The following IQGAP2 variants were observed in gnomAD, a reference collection of about 807,000 sequenced individuals.
IQGAP2 encodes ras GTPase-activating-like protein IQGAP2.
IQGAP2 carries 173 observed loss-of-function variants against 201.3 expected under a neutral mutation model. That is an observed-to-expected ratio of 0.86 (90% CI 0.76 to 0.98). IQGAP2 has a LOEUF of 0.98. IQGAP2 is among the 50% of genes least tolerant of loss of function. IQGAP2 has a pLI of 0.00. For synonymous variants in IQGAP2, 675 were observed against 673.9 expected, an observed-to-expected ratio of 1.00 and a Z score of -0.03; for missense variants, 1,687 against 1,864.8, an observed-to-expected ratio of 0.90 and a Z score of 1.76.
At chr5:76,440,829 T>G (rs1019230693) in intron 1 of IQGAP2, among the ~76,000 whole-genome samples, 2 of 152,014 alleles carry the variant, frequency 1.3e-5, no homozygotes, top group African/African-American at 4.8e-5. Context: ...GTCAGGAGTT[T>G]GAGACCAGCC....
chr5:76,471,305 T>C (rs1129691), intron 2 of IQGAP2, among the ~76,000 whole-genome samples: 75,962 of 141,814 alleles, frequency 0.54, 19,991 homozygotes, highest in Middle Eastern at 0.6. Flanking sequence ...AAAGAGAAAA[T>C]GCACAGAAAA....
At chr5:76,563,297 G>A (rs6869692) in intron 3 of IQGAP2, among the ~76,000 whole-genome samples, 88,563 of 152,036 alleles carry the variant, frequency 0.58, 27,308 homozygotes, top group African/African-American at 0.78. Context: ...AATTTAGAAG[G>A]AGGAGGGAGA....
chr5:76,569,320 T>C (rs1744952067), intron 3 of IQGAP2, among the ~76,000 whole-genome samples: 1 of 152,154 alleles, frequency 6.6e-6, no homozygotes, highest in African/African-American at 2.4e-5. Flanking sequence ...AAAATAGAAA[T>C]TTATTCCATT....
intron 33 of IQGAP2, among the ~76,000 whole-genome samples, chr5:76,698,618 GCTGT>G (rs1746975491): frequency 6.6e-6 from 1 of 152,256 alleles, no homozygotes; most frequent in South Asian, 2.1e-4. Context: ...AAATTTGGCA[GCTGT>G]CTATTATCCA....
chr5:76,531,277 G>A (rs1194667665), intron 2 of IQGAP2, among the ~76,000 whole-genome samples: 1 of 152,104 alleles, frequency 6.6e-6, no homozygotes, highest in East Asian at 1.9e-4. Context: ...TAATTTTAAT[G>A]TTTTTAGAGA....
intron 2 of IQGAP2, among the ~76,000 whole-genome samples, chr5:76,502,047 C>G (rs1300631441): frequency 6.6e-6 from 1 of 152,072 alleles, no homozygotes; most frequent in African/African-American, 2.4e-5. Context: ...GAAGACGTGG[C>G]CCTGTAAAGT....
At chr5:76,525,173 G>A (rs6453230) in intron 2 of IQGAP2, among the ~76,000 whole-genome samples, 118,760 of 152,200 alleles carry the variant, frequency 0.78, 47,397 homozygotes, top group East Asian at 0.96. Flanking sequence ...GCTGAAGCTT[G>A]GCATCCCTCT....
intron 1 of IQGAP2, 86 bp from the exon 2 acceptor site, chr5:76,461,484 G>C (rs2150126068): frequency 3.6e-6 from 3 of 828,756 alleles, no homozygotes; most frequent in South Asian, 3.2e-5. Context: ...ATGTTCAGCT[G>C]CATATGATTT....
chr5:76,511,029 G>A (rs987792520), intron 2 of IQGAP2, among the ~76,000 whole-genome samples: 8 of 152,258 alleles, frequency 5.3e-5, no homozygotes, highest in Non-Finnish European at 7.3e-5. Context: ...AAGGAGAACA[G>A]AGATGGGCTT....
At chr5:76,640,143 T>C (rs1327208515) in intron 16 of IQGAP2, among the ~76,000 whole-genome samples, 1 of 152,166 alleles carries the variant, frequency 6.6e-6, no homozygotes, top group African/African-American at 2.4e-5. Context: ...ACCTGTTTTA[T>C]TCAATGAATG....
chr5:76,425,270 T>G (rs1042470336), intron 1 of IQGAP2, among the ~76,000 whole-genome samples: 1 of 152,226 alleles, frequency 6.6e-6, no homozygotes, highest in African/African-American at 2.4e-5. Flanking sequence ...TGACCACTAT[T>G]CTGGGAGACA....
At chr5:76,469,391 A>G (rs1258508734) in intron 2 of IQGAP2, among the ~76,000 whole-genome samples, 1 of 151,644 alleles carries the variant, frequency 6.6e-6, no homozygotes, top group Non-Finnish European at 1.5e-5. Context: ...TTAAGACTCA[A>G]AAAATGAATT....
chr5:76,481,058 C>T (rs534667331), intron 2 of IQGAP2, among the ~76,000 whole-genome samples: 26 of 152,254 alleles, frequency 1.7e-4, no homozygotes, highest in African/African-American at 6.0e-4. Flanking sequence ...GGTCACTAAT[C>T]CCATTCATGA....
intron 3 of IQGAP2, among the ~76,000 whole-genome samples, chr5:76,563,908 A>G (rs1501690): frequency 0.59 from 89,073 of 151,918 alleles, 27,655 homozygotes; most frequent in African/African-American, 0.77. Context: ...TATGTATATT[A>G]AATACAGATA....
intron 2 of IQGAP2, among the ~76,000 whole-genome samples, chr5:76,529,552 C>T (rs562445045): frequency 1.3e-5 from 2 of 151,668 alleles, no homozygotes; most frequent in East Asian, 1.9e-4. Flanking sequence ...TGCTTGAACC[C>T]GGGAGGCGAA....
chr5:76,428,521 C>T (rs1268423688), intron 1 of IQGAP2, among the ~76,000 whole-genome samples: 1 of 150,286 alleles, frequency 6.7e-6, no homozygotes. Flanking sequence ...ACCTCCACCT[C>T]ACGAATTCAA....
chr5:76,682,180 C>T (rs913226711), intron 28 of IQGAP2, among the ~76,000 whole-genome samples: 1 of 152,016 alleles, frequency 6.6e-6, no homozygotes, highest in Non-Finnish European at 1.5e-5. Flanking sequence ...GCCATTGCAT[C>T]GTACATTTTA....
chr5:76,510,156 T>C (rs1035562641), intron 2 of IQGAP2, among the ~76,000 whole-genome samples: 5 of 152,054 alleles, frequency 3.3e-5, no homozygotes, highest in Admixed American at 1.3e-4. Context: ...CCCGCCACCA[T>C]GCCCGGCTAA....
intron 2 of IQGAP2, among the ~76,000 whole-genome samples, chr5:76,485,405 T>C (rs542455516): frequency 2.0e-5 from 3 of 152,348 alleles, no homozygotes; most frequent in African/African-American, 7.2e-5. Context: ...TGTGGTGTAG[T>C]GAGGACAGAA....
Sources: allele counts gnomAD v4.1 joint callset (sites outside exome capture counted in the v4.1 genomes callset), GRCh38; gene constraint gnomAD v4.1.1; transcripts MANE v1.5; gene names NCBI Gene and HGNC (gene_info 2026-07-23, HGNC 2026-07-21).